Variants in GRIK2 observed in about 807,000 individuals in gnomAD.
GRIK2 encodes the protein glutamate ionotropic receptor kainate type subunit 2.
In GRIK2, 32 loss-of-function variants were observed where a neutral mutation model predicts 100.3. That is an observed-to-expected ratio of 0.32 (90% CI 0.24 to 0.43). The LOEUF (loss-of-function observed/expected upper bound fraction) is 0.43, where lower values mean the gene tolerates loss of function less well. Ranked by LOEUF, GRIK2 falls within the 20% of genes least tolerant of loss-of-function variation. The pLI is 1.00. For synonymous variants in GRIK2, 417 were observed against 389.4 expected (o/e 1.07, Z -0.83); for missense variants, 843 against 1,114.9 (o/e 0.76, Z 3.47).
chr6:102,039,619 G>T (rs1770461224), intron 15 of GRIK2, among the ~76,000 whole-genome samples: 1 of 151,252 alleles, frequency 6.6e-6, no homozygotes, highest in East Asian at 1.9e-4. Flanking sequence ...AGCATTTTTG[G>T]CTGCATTGCT....
intron 4 of GRIK2, among the ~76,000 whole-genome samples, chr6:101,639,219 G>A (rs927365212): frequency 6.6e-6 from 1 of 152,046 alleles, no homozygotes; most frequent in African/African-American, 2.4e-5. Flanking sequence ...GTATTTTTTA[G>A]TAGAGATGGG....
chr6:101,873,462 A>G (rs1364494832), intron 11 of GRIK2, among the ~76,000 whole-genome samples: 1 of 151,996 alleles, frequency 6.6e-6, no homozygotes, highest in Non-Finnish European at 1.5e-5. Flanking sequence ...TCCATGGTGT[A>G]TATGTGCCAC....
At chr6:101,614,842 C>A (rs1221334641) in intron 2 of GRIK2, among the ~76,000 whole-genome samples, 1 of 151,720 alleles carries the variant, frequency 6.6e-6, no homozygotes, top group Non-Finnish European at 1.5e-5. Flanking sequence ...TGAAAAGTCT[C>A]AGAGGTTAGA....
intron 2 of GRIK2, among the ~76,000 whole-genome samples, chr6:101,532,538 C>CT (rs34312287): frequency 0.73 from 106,107 of 146,088 alleles, 38,548 homozygotes; most frequent in Non-Finnish European, 0.76. Context: ...CTGGGGAGAC[C>CT]TTTTTTTTTT....
intron 4 of GRIK2, among the ~76,000 whole-genome samples, chr6:101,648,454 G>T (rs1012865217): frequency 1.3e-5 from 2 of 151,986 alleles, no homozygotes; most frequent in Non-Finnish European, 2.9e-5. Context: ...ACCATGAATT[G>T]TTAGGCCATA....
intron 2 of GRIK2, among the ~76,000 whole-genome samples, chr6:101,555,106 A>G (rs1227655002): frequency 6.6e-6 from 1 of 152,194 alleles, no homozygotes. Flanking sequence ...TTTACCATTA[A>G]CAAAGTAGTT....
At chr6:101,405,326 AT>A (rs1211215441) in intron 2 of GRIK2, among the ~76,000 whole-genome samples, 3 of 152,094 alleles carry the variant, frequency 2.0e-5, no homozygotes, top group African/African-American at 7.2e-5. Context: ...ATAATAAAAC[AT>A]TTTTAAGAGC....
At chr6:101,786,641 C>T (rs1228937342) in intron 7 of GRIK2, among the ~76,000 whole-genome samples, 2 of 151,932 alleles carry the variant, frequency 1.3e-5, no homozygotes, top group Non-Finnish European at 2.9e-5. Context: ...GAATAAATTC[C>T]ACTTGATCAT....
chr6:101,485,963 G>A (rs1187892375), intron 2 of GRIK2, among the ~76,000 whole-genome samples: 1 of 151,330 alleles, frequency 6.6e-6, no homozygotes, highest in African/African-American at 2.4e-5. Context: ...AGGGACAGCT[G>A]GTGGTATGTC....
intron 7 of GRIK2, among the ~76,000 whole-genome samples, chr6:101,778,864 CAG>C (rs577405442): frequency 6.5e-4 from 99 of 152,226 alleles, no homozygotes; most frequent in Non-Finnish European, 1.1e-3. Context: ...GAATCAGAAA[CAG>C]AAATAACATA....
intron 2 of GRIK2, among the ~76,000 whole-genome samples, chr6:101,411,523 A>C (rs1379088237): frequency 6.6e-6 from 1 of 152,122 alleles, no homozygotes; most frequent in Non-Finnish European, 1.5e-5. Context: ...TACTTAAACA[A>C]AATAAAGATC....
chr6:101,469,386 A>G (rs1217123229), intron 2 of GRIK2, among the ~76,000 whole-genome samples: 1 of 152,154 alleles, frequency 6.6e-6, no homozygotes, highest in Non-Finnish European at 1.5e-5. Context: ...TAAAATAGAC[A>G]ATATGATTTC....
At chr6:101,773,783 A>C (rs1330235326) in intron 7 of GRIK2, among the ~76,000 whole-genome samples, 12 of 152,268 alleles carry the variant, frequency 7.9e-5, no homozygotes, top group African/African-American at 2.4e-4. Context: ...GGTGAGGAAA[A>C]TGAAGCTAAG....
chr6:101,574,170 T>C, intron 2 of GRIK2, among the ~76,000 whole-genome samples: 1 of 150,978 alleles, frequency 6.6e-6, no homozygotes, highest in Admixed American at 6.6e-5. Flanking sequence ...TGTTTATATA[T>C]ACTGTTTATT....
intron 2 of GRIK2, among the ~76,000 whole-genome samples, chr6:101,521,560 G>C (rs1374190187): frequency 6.6e-6 from 1 of 151,546 alleles, no homozygotes; most frequent in Non-Finnish European, 1.5e-5. Context: ...AATTTCTTTT[G>C]TTCAAGATTT....
chr6:101,555,277 G>A (rs1776682179), intron 2 of GRIK2, among the ~76,000 whole-genome samples: 1 of 152,158 alleles, frequency 6.6e-6, no homozygotes, highest in African/African-American at 2.4e-5. Context: ...GAGGTGTGCT[G>A]TGCCGGGAAG....
intron 2 of GRIK2, among the ~76,000 whole-genome samples, chr6:101,461,191 A>C (rs1007922048): frequency 2.0e-5 from 3 of 152,210 alleles, no homozygotes; most frequent in Non-Finnish European, 4.4e-5. Context: ...TGCTGATATA[A>C]CAATTACTGC....
chr6:101,924,737 C>A lies in GRIK2; in HGVS notation c.1867+18C>A. On this transcript the variant is annotated intron_variant, in intron 13 of 16. Coordinates refer to ENST00000369134, the MANE Select transcript of GRIK2 (RefSeq NM_021956.5). ...GCAGCAAGGTATACGATTCAGCCTG[C>A]TATTTCCTTTGGGCACCATGTCCCA... 2.1e-6 allele frequency: 3 copies of A among 1,457,538 alleles called. No homozygotes were observed. Among genetic ancestry groups the A allele is most frequent in the Non-Finnish European group, 2.9e-6 (3 of 1,037,150 alleles). 90.3% of individuals were successfully genotyped at this position (1,457,538 alleles called of 1,614,324 possible). A position where few individuals can be genotyped will look rare whatever the true frequency, so the allele number is the denominator to read the frequency against.
At chr6:101,825,434 A>G (rs1442181972) in intron 10 of GRIK2, among the ~76,000 whole-genome samples, 1 of 152,178 alleles carries the variant, frequency 6.6e-6, no homozygotes, top group African/African-American at 2.4e-5. Context: ...AGAAGAAATA[A>G]AGAAAGTCAT....
Sources: allele counts gnomAD v4.1 joint callset (sites outside exome capture counted in the v4.1 genomes callset), GRCh38; gene constraint gnomAD v4.1.1; transcripts MANE v1.5; gene names NCBI Gene and HGNC (gene_info 2026-07-23, HGNC 2026-07-21).